CAMSAP3: variants seen among roughly 807,000 people sequenced by gnomAD.
CAMSAP3 encodes calmodulin-regulated spectrin-associated protein 3.
CAMSAP3 carries 34 observed loss-of-function variants against 112.5 expected under a neutral mutation model. The ratio of observed to expected loss-of-function variants is 0.30; its 90% confidence interval spans 0.23 to 0.40. The LOEUF (loss-of-function observed/expected upper bound fraction) is 0.40. Ranked by LOEUF, CAMSAP3 falls within the 10% of genes least tolerant of loss-of-function variation. The probability of loss-of-function intolerance (pLI) is 1.00; values close to 1 mark genes in which losing one functional copy is unlikely to be tolerated. For missense variants in CAMSAP3, 1,602 were observed against 1,770.3 expected, an observed-to-expected ratio of 0.90 and a Z score of 1.71; for synonymous variants, 868 against 799.8, an observed-to-expected ratio of 1.09 and a Z score of -1.44.
At chr19:7,605,570 C>T (rs1237432354) in intron 2 of CAMSAP3, 91 bp downstream of exon 2, 2 of 1,335,164 alleles carry the variant, frequency 1.5e-6, no homozygotes, top group Non-Finnish European at 1.9e-6. Context: ...CTCCCAAGTT[C>T]CCTCTATCAG....
At position 7,611,399 on chromosome 19, in the gene CAMSAP3, C is replaced by A; in HGVS notation, c.1124-118C>A. The A allele has an allele frequency of 9.7e-7, 1 of 1,034,102 alleles. No homozygotes were observed. Among genetic ancestry groups the A allele is most frequent in the Non-Finnish European group, 1.4e-6 (1 of 708,970 alleles). 64.1% of individuals were successfully genotyped at this position (1,034,102 alleles called of 1,614,324 possible). A position where few individuals can be genotyped will look rare whatever the true frequency, so the allele number is the denominator to read the frequency against. On this transcript the variant is annotated intron_variant, in intron 9 of 16. Transcript: ENST00000160298. This position sits in a 1 kb window ranked among gnomAD's most constrained non-coding sequence, Gnocchi z 6.9. Reference sequence around the variant, plus strand: ...CTGGAAACCTCTGGTCTCACTAGACCACATAATGAGCCATCAGTGACTCAC... The same window carrying A: ...CTGGAAACCTCTGGTCTCACTAGACAACATAATGAGCCATCAGTGACTCAC...
In CAMSAP3 at chr19:7,617,888, C is replaced by G. The variant is rs775086306; in HGVS notation, c.3581C>G (p.Thr1194Arg). The stretch of plus-strand genomic sequence containing the variant: ...GCAGGGTATGGGCCCCGGACCGTCA[C>G]GCCCGCCATGGTGGAAGGCATCTAC... ...RLAGYGPRTV[T>R]PAMVEGIYKY... The change falls in exon 17 of 17, where the codon ACG becomes AGG. Residue 1194 changes from threonine to arginine, a missense_variant. Thr to Arg is a moderately conservative substitution (Grantham distance 71, BLOSUM62 -1). Transcript: ENST00000160298. The surrounding 1 kb of genome is among the most constrained non-coding windows in gnomAD (Gnocchi z 7.5). 6.2e-7 allele frequency: 1 copy of G among 1,613,830 alleles called. No individual in the cohort carries two copies. Among genetic ancestry groups the G allele is most frequent in the Non-Finnish European group, 8.5e-7 (1 of 1,180,010 alleles).
In CAMSAP3 at chr19:7,610,806, G is replaced by C; in HGVS notation, c.994+13G>C. The C allele has an allele frequency of 6.2e-7, 1 of 1,612,574 alleles. No individual in the cohort carries two copies. The highest frequency in any genetic ancestry group is 8.5e-7 in the Non-Finnish European group (1 of 1,179,850). The stretch of plus-strand genomic sequence containing the variant: ...CCCGATGGTCACGGTGAGGCCCTGG[G>C]GGCCTGGGGGCCGGGTCGGGGGCGG... On this transcript the variant is annotated intron_variant, in intron 7 of 16. Transcript: ENST00000160298. The surrounding 1 kb of genome is among the most constrained non-coding windows in gnomAD (Gnocchi z 4.9).
In CAMSAP3 at chr19:7,613,078, G is replaced by C. The variant is rs1180134600; in HGVS notation, c.2585G>C (p.Gly862Ala). The C allele has an allele frequency of 6.5e-7, 1 of 1,547,638 alleles. No homozygotes were observed. Among genetic ancestry groups the C allele is most frequent in the South Asian group, 1.2e-5 (1 of 83,966 alleles). Residue 862 changes from glycine (G) to alanine (A), a missense_variant, in exon 11 of 17, where the codon GGG becomes GCG. By Grantham distance (60) the Gly-to-Ala change is moderately conservative. Transcript: ENST00000160298. ...ADPAAEDEGD[G>A]SPAGAEDSLE... ...CCCGCCGCCGAGGACGAGGGAGACGGGAGCCCCGCTGGTGCTGAGGATTCC... is the reference window on the plus strand; with the variant it reads ...CCCGCCGCCGAGGACGAGGGAGACGCGAGCCCCGCTGGTGCTGAGGATTCC...
chr19:7,617,721 C>T lies in CAMSAP3; in HGVS notation c.3445-31C>T. ...TGGGTGGGTGGGTGGCCTGACTTGG[C>T]CAGCTGACCATTTCCAGCACTCCTG... On this transcript the variant is annotated intron_variant, in intron 16 of 16. Transcript: ENST00000160298. The surrounding 1 kb of genome is among the most constrained non-coding windows in gnomAD (Gnocchi z 7.5). 6.2e-7 allele frequency: 1 copy of T among 1,612,114 alleles called. No individual in the cohort carries two copies. The highest frequency in any genetic ancestry group is 8.5e-7 in the Non-Finnish European group (1 of 1,178,652).
chr19:7,606,699 CCT>C, intron 4 of CAMSAP3, 128 bp downstream of exon 4: 5 of 1,594,190 alleles, frequency 3.1e-6, no homozygotes, highest in East Asian at 2.2e-5. Context: ...TTTCTTCCCC[CCT>C]CTCTCAATCT....
Position 7,607,021 on chromosome 19 carries a change from C to G in CAMSAP3, c.621+450C>G, listed in dbSNP as rs115242911. 0.015 allele frequency among the ~76,000 whole-genome samples: 2,269 copies of G among 152,056 alleles called. 55 individuals carry two copies. The highest frequency in any genetic ancestry group is 0.051 in the African/African-American group (2,120 of 41,456). ...TCGGCCATTAACTGAGAGGGCAGAC[C>G]CCTCCCCCAGCGAACTGATGGGTGG... On this transcript the variant is annotated intron_variant, in intron 4 of 16. Transcript: ENST00000160298. The surrounding 1 kb of genome is among the most constrained non-coding windows in gnomAD (Gnocchi z 4.9).
chr19:7,614,909 G>A (rs1384864720), intron 11 of CAMSAP3: 5 of 561,326 alleles, frequency 8.9e-6, no homozygotes, highest in Admixed American at 3.1e-5. Flanking sequence ...TGCCCAACAC[G>A]AGCTTTTGCT....
chr19:7,608,155 G>A lies in CAMSAP3; in HGVS notation c.651G>A (p.Ala217=), dbSNP rs199868688. The A allele has an allele frequency of 9.4e-5, 152 of 1,611,960 alleles. No individual in the cohort carries two copies. In the African/African-American group the frequency reaches 1.5e-3, roughly 16 times the overall value. ...SIRYRKDRVV[A]RRAPCFPTVT... is the part of the protein sequence containing the mutation. ...GATACCGCAAGGACCGTGTGGTGGC[G>A]CGACGTGCCCCCTGCTTCCCGACGG... The change falls in exon 5 of 17, where the codon GCG becomes GCA. Residue 217 remains alanine (A), a synonymous_variant. Transcript: ENST00000160298.
Position 7,605,396 on chromosome 19 carries a change from C to T in CAMSAP3, c.319C>T (p.Leu107=), listed in dbSNP as rs763540031. 4 of 1,537,826 alleles carry T rather than the reference C, an allele frequency of 2.6e-6. No individual in the cohort carries two copies. The African/African-American group carries it at 4.2e-5, about 16-fold the overall frequency. ...CCCCAACCCCTCTGCACTGCTGGCC[C>T]TGCTGGCGCGGAGGGGCACAGTGCC... ...TPPNPSALLA[L]LARRGTVPAL... is the part of the protein sequence containing the mutation. The change falls in exon 2 of 17, where the codon CTG becomes TTG. Residue 107 remains leucine, a synonymous_variant. Coordinates refer to ENST00000160298, the MANE Select transcript of CAMSAP3 (RefSeq NM_020902.2).
At position 7,611,250 on chromosome 19, in the gene CAMSAP3, G is replaced by A. The variant is rs1038500177; in HGVS notation, c.1123+82G>A. 17 of 1,394,202 alleles carry A rather than the reference G, an allele frequency of 1.2e-5. 1 individual carries two copies. The highest frequency in any genetic ancestry group is 2.8e-5 in the African/African-American group (2 of 70,426). 86.4% of individuals were successfully genotyped at this position (1,394,202 alleles called of 1,614,324 possible). ...CCAGTGGGCCTCATGTTGTCTCCTCGTGAGCCTTCCAATAGCCTCTCCATC... is the reference window on the plus strand; with the variant it reads ...CCAGTGGGCCTCATGTTGTCTCCTCATGAGCCTTCCAATAGCCTCTCCATC... On this transcript the variant is annotated intron_variant, in intron 9 of 16. Transcript: ENST00000160298. The surrounding 1 kb of genome is among the most constrained non-coding windows in gnomAD (Gnocchi z 6.9).
rs1372898993 is a variant in CAMSAP3, at chr19:7,615,663, G to C, written c.3056G>C (p.Arg1019Pro). Reference sequence around the variant, plus strand: ...GGCGGGCGGAGGGCCACCCGGCCTCGCTCGGGTTGCTGTGACGACTCAGCC... The same window carrying C: ...GGCGGGCGGAGGGCCACCCGGCCTCCCTCGGGTTGCTGTGACGACTCAGCC... Reference protein sequence around the residue: ...GRGGRRATRPRSGCCDDSALA... With the variant: ...GRGGRRATRPPSGCCDDSALA... The change falls in exon 13 of 17, where the codon CGC (arginine) becomes CCC (proline). Residue 1019 changes from arginine (R) to proline (P), a missense_variant. Physicochemically the swap from Arg to Pro is moderately radical, Grantham distance 103. Transcript: ENST00000160298. The surrounding 1 kb of genome is among the most constrained non-coding windows in gnomAD (Gnocchi z 6.5). 5 of 1,427,358 alleles carry C rather than the reference G, an allele frequency of 3.5e-6. No homozygotes were observed. Among genetic ancestry groups the C allele is most frequent in the Non-Finnish European group, 3.6e-6 (4 of 1,096,006 alleles). 88.4% of individuals were successfully genotyped at this position (1,427,358 alleles called of 1,614,324 possible).
intron 1 of CAMSAP3, among the ~76,000 whole-genome samples, chr19:7,601,299 C>T (rs760515726): frequency 1.3e-5 from 2 of 152,046 alleles, no homozygotes; most frequent in Non-Finnish European, 2.9e-5. Context: ...TCATTGGGCT[C>T]ACATTATACG....
Position 7,611,031 on chromosome 19 carries a change from C to A in CAMSAP3, c.1050-64C>A. 6.3e-7 allele frequency: 1 copy of A among 1,599,112 alleles called. No individual in the cohort carries two copies. The highest frequency in any genetic ancestry group is 8.6e-7 in the Non-Finnish European group (1 of 1,168,460). ...ACGCAGCTGGGTGATGCTGTTGTCT[C>A]CCCCCGGGGAGAGGCGGAGGAGGAG... is the stretch of plus-strand genomic sequence containing the variant. On this transcript the variant is annotated intron_variant, in intron 8 of 16. Transcript: ENST00000160298. This position sits in a 1 kb window ranked among gnomAD's most constrained non-coding sequence, Gnocchi z 6.9.
chr19:7,607,809 C>A lies in CAMSAP3; in HGVS notation c.622-317C>A. ...CCCTCCCCCTTGCTGATGGCTGCTC[C>A]TCTCCCCCCAGCACGCAATTGCCTT... On this transcript the variant is annotated intron_variant, in intron 4 of 16. Coordinates refer to ENST00000160298, the MANE Select transcript of CAMSAP3 (RefSeq NM_020902.2). This position sits in a 1 kb window ranked among gnomAD's most constrained non-coding sequence, Gnocchi z 4.9. The A allele has an allele frequency of 1.5e-6, 2 of 1,295,658 alleles. No individual in the cohort carries two copies. The highest frequency in any genetic ancestry group is 2.1e-6 in the Non-Finnish European group (2 of 950,340). 80.3% of individuals were successfully genotyped at this position (1,295,658 alleles called of 1,614,324 possible). A position where few individuals can be genotyped will look rare whatever the true frequency, so the allele number is the denominator to read the frequency against.
intron 2 of CAMSAP3, among the ~76,000 whole-genome samples, chr19:7,605,718 C>G (rs2030179498): frequency 6.7e-6 from 1 of 150,134 alleles, no homozygotes; most frequent in Non-Finnish European, 1.5e-5. Flanking sequence ...AGGTCTGGCT[C>G]CTCCCCTCAA....
At position 7,613,116 on chromosome 19, in the gene CAMSAP3, G is replaced by T; in HGVS notation, c.2623G>T (p.Ala875Ser). 1 of 1,545,296 alleles carries T rather than the reference G, an allele frequency of 6.5e-7. No individual in the cohort carries two copies. The highest frequency in any genetic ancestry group is 2.5e-5 in the East Asian group (1 of 40,742). ...AGAEDSLEEE[A>S]SSEGEPRVGL... ...TGCTGAGGATTCCTTGGAGGAGGAGGCGTCTTCGGAGGGGGAGCCCCGGGT... is the reference window on the plus strand; with the variant it reads ...TGCTGAGGATTCCTTGGAGGAGGAGTCGTCTTCGGAGGGGGAGCCCCGGGT... Residue 875 changes from alanine to serine, a missense_variant, in exon 11 of 17, where the codon GCG (alanine) becomes TCG (serine). By Grantham distance (99) the Ala-to-Ser change is moderately conservative. Around this residue, in one of 6 missense-constraint regions of CAMSAP3, gnomAD observed 1,100 missense variants for 1,135.7 expected, o/e 0.97. Transcript: ENST00000160298.
chr19:7,616,662 G>A, intron 14 of CAMSAP3, 40 bp downstream of exon 14: 1 of 1,474,538 alleles, frequency 6.8e-7, no homozygotes, highest in Non-Finnish European at 9.4e-7. Flanking sequence ...TATGCCGGGT[G>A]GCTTCCCAGA....
Position 7,608,806 on chromosome 19 carries a change from T to C in CAMSAP3, c.760+542T>C, listed in dbSNP as rs1232903457. ...CACGCCACCACGCCTGGCTAATTTT[T>C]GTATTTTTAGTAGAGACGGGTTTCA... On this transcript the variant is annotated intron_variant, in intron 5 of 16. Transcript: ENST00000160298. 2.0e-5 allele frequency among the ~76,000 whole-genome samples: 3 copies of C among 151,782 alleles called. No homozygotes were observed. In the East Asian group the frequency reaches 5.8e-4, roughly 29 times the overall value.
Sources: gnomAD v4.1 joint callset for allele counts (sites outside exome capture counted in the v4.1 genomes callset) on GRCh38, gnomAD v4.1.1 for gene constraint, gnomAD v4.1.1 regional missense constraint, Gnocchi (gnomAD v3.1) non-coding constraint, MANE v1.5 for transcripts, NCBI Gene and HGNC (gene_info 2026-07-23, HGNC 2026-07-21) for gene names.